The following GAL3ST1 variants were observed in gnomAD, a reference collection of about 807,000 sequenced individuals.
GAL3ST1 encodes galactose-3-O-sulfotransferase 1.
In GAL3ST1, 13 loss-of-function variants were observed where a neutral mutation model predicts 25.0. That is an observed-to-expected ratio of 0.52 (90% CI 0.34 to 0.83). The LOEUF is 0.83. Ranked by LOEUF, GAL3ST1 falls within the 40% of genes least tolerant of loss-of-function variation. The pLI is 0.02. For synonymous variants in GAL3ST1, 274 were observed against 277.8 expected (o/e 0.99, Z 0.14); for missense variants, 474 against 613.6 (o/e 0.77, Z 2.40).
At chr22:30,566,613 C>CT (rs772493159) in intron 1 of GAL3ST1, among the ~76,000 whole-genome samples, 2,289 of 147,920 alleles carry the variant, frequency 0.015, 33 homozygotes, top group Middle Eastern at 0.021. Context: ...ATGATAACAT[C>CT]TTTTTTTTTT....
chr22:30,563,817 G>A lies in GAL3ST1; in HGVS notation c.-119-5429C>T, dbSNP rs55740144. On this transcript the variant is annotated intron_variant, in intron 1 of 3. Coordinates refer to ENST00000406361, the MANE Select transcript of GAL3ST1 (RefSeq NM_001318104.2). ...TGTAGTCCCAGCTACTCAGGAGGCT[G>A]AGGCAGGAGAACGGCGTGAACCCAG... Among the ~76,000 whole-genome samples, 1,277 of 151,836 alleles carry A rather than the reference G, an allele frequency of 8.4e-3. 9 individuals are homozygous for A. Among genetic ancestry groups the A allele is most frequent in the Non-Finnish European group, 0.012 (836 of 67,974 alleles).
chr22:30,558,080 G>A (rs1300530959), intron 2 of GAL3ST1, among the ~76,000 whole-genome samples, 199 bp downstream of exon 2: 1 of 151,508 alleles, frequency 6.6e-6, no homozygotes, highest in Non-Finnish European at 1.5e-5. Flanking sequence ...GAGCCATCGC[G>A]CCCGACCATG....
chr22:30,569,262 A>G (rs564780312), intron 1 of GAL3ST1, among the ~76,000 whole-genome samples: 1 of 152,114 alleles, frequency 6.6e-6, no homozygotes, highest in South Asian at 2.1e-4. Context: ...AAGGAGAGGG[A>G]GGAGCAGGCC....
At chr22:30,558,596 C>T (rs1003812701) in intron 1 of GAL3ST1, among the ~76,000 whole-genome samples, 14 of 152,100 alleles carry the variant, frequency 9.2e-5, no homozygotes, top group African/African-American at 3.1e-4. Context: ...AGGTGAGGTG[C>T]CCAGTAAGAG....
intron 1 of GAL3ST1, among the ~76,000 whole-genome samples, chr22:30,566,755 A>G (rs42935): frequency 0.43 from 65,058 of 151,470 alleles, 14,085 homozygotes; most frequent in Middle Eastern, 0.48. Context: ...GACTACAGGC[A>G]CCCTCCACCA....
intron 1 of GAL3ST1, among the ~76,000 whole-genome samples, chr22:30,567,634 T>TA (rs2086662912): frequency 6.6e-6 from 1 of 152,176 alleles, no homozygotes; most frequent in South Asian, 2.1e-4. Flanking sequence ...CACCTATCGA[T>TA]AAATTGTGGA....
chr22:30,554,943 C>G lies in GAL3ST1; in HGVS notation c.*10G>C, dbSNP rs529416934. On this transcript the variant is annotated 3_prime_UTR_variant, in exon 4 of 4. Coordinates refer to ENST00000406361, the MANE Select transcript of GAL3ST1 (RefSeq NM_001318104.2). ...GCGAGCAGGCAGGCAAGCCGCTGGG[C>G]GGTGGGACGTCACCACCGCAGGAAA... is the stretch of plus-strand genomic sequence containing the variant. The G allele has an allele frequency of 6.5e-7, 1 of 1,546,466 alleles. No homozygotes were observed. Among genetic ancestry groups the G allele is most frequent in the Non-Finnish European group, 8.8e-7 (1 of 1,141,274 alleles).
At chr22:30,558,185 G>A (rs2086157279) in intron 2 of GAL3ST1, 94 bp downstream of exon 2, 1 of 151,762 alleles carries the variant, frequency 6.6e-6, no homozygotes, top group African/African-American at 2.4e-5. Flanking sequence ...CGGAGTGCTT[G>A]AGCCAGGAGT....
intron 1 of GAL3ST1, among the ~76,000 whole-genome samples, chr22:30,563,859 C>A (rs1246124932): frequency 2.7e-5 from 4 of 148,914 alleles, no homozygotes; most frequent in African/African-American, 9.9e-5. Context: ...GAGCTTGCAG[C>A]GAGCCGAGAT....
At position 30,554,842 on chromosome 22, in the gene GAL3ST1, G is replaced by A. The variant is rs1410783272; in HGVS notation, c.*111C>T. On this transcript the variant is annotated 3_prime_UTR_variant, in exon 4 of 4. Transcript: ENST00000406361. ...CCCCCAGGGAGCCCCCCCTCACCCC[G>A]GGGTCTGAGGTGGCACCAGGAGGGG... The A allele has an allele frequency of 6.0e-6, 5 of 829,246 alleles. No homozygotes were observed. Among genetic ancestry groups the A allele is most frequent in the Non-Finnish European group, 9.0e-6 (5 of 558,066 alleles). The allele number at this position is 829,246 out of a possible 1,614,324, so 51.4% of individuals were successfully genotyped here. A position where few individuals can be genotyped will look rare whatever the true frequency, so the allele number is the denominator to read the frequency against.
intron 1 of GAL3ST1, among the ~76,000 whole-genome samples, chr22:30,566,323 G>A (rs1018442213): frequency 1.3e-5 from 2 of 152,232 alleles, no homozygotes; most frequent in African/African-American, 4.8e-5. Flanking sequence ...TATTAGCGTG[G>A]ACTCTGAACC....
rs2086084285 is a variant in GAL3ST1, at chr22:30,557,123, T to C, written c.131+139A>G. 3 of 794,780 alleles carry C rather than the reference T, an allele frequency of 3.8e-6. No individual in the cohort carries two copies. In the East Asian group the frequency reaches 8.1e-5, roughly 22 times the overall value. The allele number at this position is 794,780 out of a possible 1,614,324, so 49.2% of individuals were successfully genotyped here. On this transcript the variant is annotated intron_variant, in intron 3 of 3. Transcript: ENST00000406361. ...AGCTCTGCCATCAGTGGAATTTCTG[T>C]CTGGCACAGCATGGTGCAGGGTGCA...
chr22:30,567,856 T>C (rs1035939261), intron 1 of GAL3ST1, among the ~76,000 whole-genome samples: 1 of 151,708 alleles, frequency 6.6e-6, no homozygotes, highest in Admixed American at 6.6e-5. Flanking sequence ...GCTAATTTTG[T>C]ATTTTTAGTA....
chr22:30,568,983 G>A (rs2146427437), intron 1 of GAL3ST1, among the ~76,000 whole-genome samples: 1 of 151,130 alleles, frequency 6.6e-6, no homozygotes, highest in Middle Eastern at 3.4e-3. Context: ...GGCTGAGGCA[G>A]GATAATCGCT....
chr22:30,568,716 G>A (rs537930115), intron 1 of GAL3ST1, among the ~76,000 whole-genome samples: 11 of 152,246 alleles, frequency 7.2e-5, no homozygotes, highest in South Asian at 4.1e-4. Flanking sequence ...GTGTGTTTGC[G>A]TGTAATAGGC....
chr22:30,559,099 A>G (rs890949772), intron 1 of GAL3ST1, among the ~76,000 whole-genome samples: 3 of 151,982 alleles, frequency 2.0e-5, no homozygotes, highest in African/African-American at 7.2e-5. Context: ...TAGAGGTTGC[A>G]GTGAGCCAAG....
At chr22:30,566,996 G>A (rs1329438936) in intron 1 of GAL3ST1, among the ~76,000 whole-genome samples, 1 of 151,906 alleles carries the variant, frequency 6.6e-6, no homozygotes, top group East Asian at 1.9e-4. Context: ...TCACTCTGTT[G>A]CCCAGGCTGG....
Position 30,572,018 on chromosome 22 carries a change from T to C in GAL3ST1, c.-120+2448A>G, listed in dbSNP as rs78913036. Among the ~76,000 whole-genome samples the C allele has an allele frequency of 3.2e-3, 492 of 152,318 alleles. 3 individuals are homozygous for C. The highest frequency in any genetic ancestry group is 0.011 in the African/African-American group (456 of 41,578). Reference sequence around the variant, plus strand: ...AAATGAGGAGCAAGGCCACAGCTCTTCCTGCTACACTGCCTTGTCTGGGTA... The same window carrying C: ...AAATGAGGAGCAAGGCCACAGCTCTCCCTGCTACACTGCCTTGTCTGGGTA... On this transcript the variant is annotated intron_variant, in intron 1 of 3. Coordinates refer to ENST00000406361, the MANE Select transcript of GAL3ST1 (RefSeq NM_001318104.2).
chr22:30,563,833 G>A (rs1043544088), intron 1 of GAL3ST1, among the ~76,000 whole-genome samples: 5 of 150,650 alleles, frequency 3.3e-5, no homozygotes, highest in African/African-American at 1.2e-4. Context: ...GGAGAACGGC[G>A]TGAACCCAGG....
Sources: allele counts gnomAD v4.1 joint callset (sites outside exome capture counted in the v4.1 genomes callset), GRCh38; gene constraint gnomAD v4.1.1; transcripts MANE v1.5; gene names NCBI Gene and HGNC (gene_info 2026-07-23, HGNC 2026-07-21).